HNF4G: variants seen among roughly 807,000 people sequenced by gnomAD.
HNF4G encodes hepatocyte nuclear factor 4 gamma.
In HNF4G, 21 loss-of-function variants were observed where a neutral mutation model predicts 50.9. The observed-to-expected ratio is 0.41, with a 90% CI of 0.29 to 0.59. The LOEUF (loss-of-function observed/expected upper bound fraction) is 0.59. Ranked by LOEUF, HNF4G falls within the 20% of genes least tolerant of loss-of-function variation. The pLI is 0.26. For missense variants in HNF4G, 527 were observed against 559.4 expected (o/e 0.94, Z 0.58); for synonymous variants, 198 against 185.6 (o/e 1.07, Z -0.54).
chr8:75,453,986 T>C (rs1811652426), intron 1 of HNF4G, among the ~76,000 whole-genome samples: 2 of 151,674 alleles, frequency 1.3e-5, no homozygotes, highest in Non-Finnish European at 2.9e-5. Flanking sequence ...ACAGTGGGGC[T>C]CTCATCATGA....
rs1431974656 is a variant in HNF4G, at chr8:75,448,303, G to A, written c.-144+40141G>A. Among the ~76,000 whole-genome samples the A allele has an allele frequency of 2.3e-4, 24 of 105,468 alleles. 1 individual carries two copies. Among genetic ancestry groups the A allele is most frequent in the Non-Finnish European group, 5.6e-5 (3 of 53,288 alleles). The allele number at this position is 105,468 out of a possible 152,430, so 69.2% of individuals were successfully genotyped here. A position where few individuals can be genotyped will look rare whatever the true frequency, so the allele number is the denominator to read the frequency against. On this transcript the variant is annotated intron_variant, in intron 1 of 10. Coordinates refer to the HNF4G transcript ENST00000354370. Reference sequence around the variant, plus strand: ...TGTGGTGGGGTGGGGGGAGGGGGGAGGGATATCATTGGGAGATATACCTAA... The same window carrying A: ...TGTGGTGGGGTGGGGGGAGGGGGGAAGGATATCATTGGGAGATATACCTAA...
At chr8:75,535,051 A>C (rs776909041), upstream of HNF4G, among the ~76,000 whole-genome samples, 24 of 151,824 alleles carry the variant, frequency 1.6e-4, no homozygotes, top group Non-Finnish European at 3.4e-4. Flanking sequence ...ACTGAACAAC[A>C]AAGGAAAGAG....
chr8:75,561,549 A>C (rs943298322), intron 9 of HNF4G, among the ~76,000 whole-genome samples: 1 of 152,210 alleles, frequency 6.6e-6, no homozygotes, highest in African/African-American at 2.4e-5. Flanking sequence ...AAGATGCTCA[A>C]TGACCAATCA....
At chr8:75,451,585 T>C (rs920274184) in intron 1 of HNF4G, among the ~76,000 whole-genome samples, 5 of 152,238 alleles carry the variant, frequency 3.3e-5, no homozygotes, top group African/African-American at 4.8e-5. Context: ...CCCAGCACCA[T>C]TTATTGAAGA....
chr8:75,478,140 C>T (rs1038466667), intron 1 of HNF4G, among the ~76,000 whole-genome samples: 5 of 151,860 alleles, frequency 3.3e-5, no homozygotes, highest in African/African-American at 7.3e-5. Context: ...GGCGGAACCC[C>T]GTATCTACAA....
chr8:75,415,884 G>T (rs894058836), intron 1 of HNF4G, among the ~76,000 whole-genome samples: 2 of 152,108 alleles, frequency 1.3e-5, no homozygotes, highest in East Asian at 3.9e-4. Context: ...AATAGGGCAG[G>T]GGAGAGTGTC....
At chr8:75,483,087 A>C (rs970392760) in intron 1 of HNF4G, among the ~76,000 whole-genome samples, 10 of 152,230 alleles carry the variant, frequency 6.6e-5, no homozygotes, top group Non-Finnish European at 1.2e-4. Flanking sequence ...ATCATAAAAC[A>C]AAGTTTGAAA....
chr8:75,455,286 G>A (rs1052414992), intron 1 of HNF4G, among the ~76,000 whole-genome samples: 1 of 152,018 alleles, frequency 6.6e-6, no homozygotes, highest in Non-Finnish European at 1.5e-5. Context: ...ATAAATTTAA[G>A]CATTATATTC....
chr8:75,474,909 G>A (rs1812205820), intron 1 of HNF4G, among the ~76,000 whole-genome samples: 1 of 152,062 alleles, frequency 6.6e-6, no homozygotes, highest in Non-Finnish European at 1.5e-5. Context: ...TGTTGGCCAG[G>A]ATGGTCTTGA....
chr8:75,424,385 A>T (rs1166023407), intron 1 of HNF4G, among the ~76,000 whole-genome samples: 1 of 152,030 alleles, frequency 6.6e-6, no homozygotes, highest in East Asian at 1.9e-4. Context: ...TTTATTTTTT[A>T]AATTTCCATT....
At chr8:75,563,361 C>T (rs1807369144) in intron 9 of HNF4G, among the ~76,000 whole-genome samples, 1 of 151,660 alleles carries the variant, frequency 6.6e-6, no homozygotes, top group South Asian at 2.1e-4. Flanking sequence ...TATTCAATTA[C>T]TCAGGCTTGC....
At chr8:75,515,384 A>G (rs1805862538) in intron 2 of HNF4G, among the ~76,000 whole-genome samples, 1 of 152,196 alleles carries the variant, frequency 6.6e-6, no homozygotes, top group Non-Finnish European at 1.5e-5. Context: ...CCAGAGAAAC[A>G]ACCAATAGGA....
intron 1 of HNF4G, among the ~76,000 whole-genome samples, chr8:75,431,707 C>G (rs1811020252): frequency 6.6e-6 from 1 of 151,876 alleles, no homozygotes; most frequent in African/African-American, 2.4e-5. Context: ...GGGGGTGGAT[C>G]ACGAGGTCAG....
At chr8:75,460,568 C>T (rs571824148) in intron 1 of HNF4G, among the ~76,000 whole-genome samples, 2 of 152,156 alleles carry the variant, frequency 1.3e-5, no homozygotes, top group South Asian at 4.1e-4. Flanking sequence ...TCATTCTTAT[C>T]AAAACTGTGG....
At chr8:75,562,145 T>C (rs931189945) in intron 9 of HNF4G, among the ~76,000 whole-genome samples, 1 of 152,102 alleles carries the variant, frequency 6.6e-6, no homozygotes, top group African/African-American at 2.4e-5. Context: ...CATTTTTTTT[T>C]TCTTCCAAAT....
intron 1 of HNF4G, among the ~76,000 whole-genome samples, chr8:75,441,797 G>A (rs973107863): frequency 6.6e-6 from 1 of 152,120 alleles, no homozygotes; most frequent in Non-Finnish European, 1.5e-5. Context: ...AACAATCAGC[G>A]AACTGGCTTG....
At chr8:75,464,803 G>A (rs578162365) in intron 1 of HNF4G, among the ~76,000 whole-genome samples, 1 of 152,224 alleles carries the variant, frequency 6.6e-6, no homozygotes, top group African/African-American at 2.4e-5. Flanking sequence ...TAGTGTACAG[G>A]AAAACACCAG....
upstream of HNF4G, among the ~76,000 whole-genome samples, chr8:75,536,826 CT>C (rs1307205881): frequency 3.3e-5 from 5 of 151,050 alleles, no homozygotes; most frequent in African/African-American, 7.3e-5. Context: ...TTCTCTGTGG[CT>C]TTTTTTTTCT....
chr8:75,549,302 A>G (rs960615603), intron 3 of HNF4G, among the ~76,000 whole-genome samples: 1 of 152,212 alleles, frequency 6.6e-6, no homozygotes, highest in African/African-American at 2.4e-5. Context: ...CAAAAATGAT[A>G]GCACTGAGAT....
Sources: gnomAD v4.1 joint callset for allele counts (sites outside exome capture counted in the v4.1 genomes callset) on GRCh38, gnomAD v4.1.1 for gene constraint, MANE v1.5 for transcripts, NCBI Gene and HGNC (gene_info 2026-07-23, HGNC 2026-07-21) for gene names.